GPM6A: variants seen among roughly 807,000 people sequenced by gnomAD.
The protein encoded by GPM6A is neuronal membrane glycoprotein M6-a.
In GPM6A, 7 loss-of-function variants were observed where a neutral mutation model predicts 32.1. That is an observed-to-expected ratio of 0.22 (90% CI 0.12 to 0.41). GPM6A has a LOEUF of 0.41. GPM6A is among the 10% of genes least tolerant of loss of function. The pLI is 1.00. For synonymous variants in GPM6A, 130 were observed against 123.4 expected, an observed-to-expected ratio of 1.05 and a Z score of -0.35; for missense variants, 235 against 347.2, an observed-to-expected ratio of 0.68 and a Z score of 2.57.
chr4:175,677,760 A>G (rs2110997067), intron 2 of GPM6A, among the ~76,000 whole-genome samples: 1 of 152,280 alleles, frequency 6.6e-6, no homozygotes, highest in Middle Eastern at 3.4e-3. Flanking sequence ...TGCTAAATAA[A>G]TATTTTAGAA....
At chr4:175,829,647 TAA>T (rs1491100182) in intron 1 of GPM6A, among the ~76,000 whole-genome samples, 16 of 11,046 alleles carry the variant, frequency 1.4e-3, no homozygotes, top group African/African-American at 1.9e-3. Context: ...GTCATTTATG[TAA>T]TATATATATA....
chr4:175,754,681 G>A (rs1242748072), intron 1 of GPM6A, among the ~76,000 whole-genome samples: 3 of 152,124 alleles, frequency 2.0e-5, no homozygotes, highest in Non-Finnish European at 4.4e-5. Context: ...GCCAAGGCCA[G>A]TATCTAGAAG....
At chr4:175,799,674 T>TTC (rs774094585) in intron 1 of GPM6A, among the ~76,000 whole-genome samples, 4 of 125,490 alleles carry the variant, frequency 3.2e-5, no homozygotes, top group African/African-American at 8.0e-5. Context: ...GTGTTTTCTT[T>TTC]TTTTTTTTTT....
At chr4:175,886,546 A>G (rs1038461178) in intron 1 of GPM6A, among the ~76,000 whole-genome samples, 4 of 152,184 alleles carry the variant, frequency 2.6e-5, no homozygotes, top group African/African-American at 9.6e-5. Context: ...TACGGTCCAG[A>G]ATCAAATGGA....
At chr4:175,722,276 A>G (rs1168085765) in intron 1 of GPM6A, among the ~76,000 whole-genome samples, 6 of 152,050 alleles carry the variant, frequency 3.9e-5, no homozygotes, top group Non-Finnish European at 8.8e-5. Context: ...GTGATGAGAG[A>G]GTGGAAGTCG....
chr4:175,910,740 T>C (rs1428882040), intron 1 of GPM6A, among the ~76,000 whole-genome samples: 10 of 152,208 alleles, frequency 6.6e-5, no homozygotes. Flanking sequence ...CTTTTTCTGC[T>C]GAAATCTGCC....
intron 1 of GPM6A, among the ~76,000 whole-genome samples, chr4:175,805,210 C>T (rs1160960779): frequency 6.6e-6 from 1 of 151,244 alleles, no homozygotes; most frequent in African/African-American, 2.4e-5. Flanking sequence ...GAATTATTAA[C>T]TAAACTTTGT....
At chr4:175,734,141 T>C (rs1206740384) in intron 1 of GPM6A, among the ~76,000 whole-genome samples, 2 of 134,456 alleles carry the variant, frequency 1.5e-5, no homozygotes, top group Non-Finnish European at 3.2e-5. Context: ...TTGCCATATA[T>C]ATATATATAT....
At chr4:175,951,903 AGAGG>A (rs568637924) in intron 1 of GPM6A, among the ~76,000 whole-genome samples, 6 of 152,286 alleles carry the variant, frequency 3.9e-5, no homozygotes, top group Admixed American at 3.9e-4. Flanking sequence ...TCTCTGAACA[AGAGG>A]GAATTCTCCA....
At chr4:175,721,040 T>TA (rs199529824) in intron 1 of GPM6A, among the ~76,000 whole-genome samples, 19 of 44,704 alleles carry the variant, frequency 4.3e-4, no homozygotes, top group Non-Finnish European at 9.5e-4. Context: ...TACATATATA[T>TA]TATATATATA....
At chr4:175,970,897 G>C (rs1469916004) in intron 1 of GPM6A, 1 of 448,232 alleles carries the variant, frequency 2.2e-6, no homozygotes, top group African/African-American at 2.3e-5. Context: ...ACTCGATACC[G>C]ACAGACCCTT....
At position 175,794,933 on chromosome 4, in the gene GPM6A, A is replaced by G. The variant is rs141802819; in HGVS notation, c.37+17258T>C. Among the ~76,000 whole-genome samples, 992 of 152,330 alleles carry G rather than the reference A, an allele frequency of 6.5e-3. 8 individuals are homozygous for G. Among genetic ancestry groups the G allele is most frequent in the African/African-American group, 0.022 (910 of 41,564 alleles). On this transcript the variant is annotated intron_variant, in intron 1 of 6. Transcript: ENST00000393658. ...AAGCCTTTACGCAACAGAATCCATG[A>G]ATATATTTTGTTTGAGAGAAATTAT...
rs774995826 is a variant in GPM6A, at chr4:175,909,256, T to G, written c.-23+93053A>C. Among the ~76,000 whole-genome samples the G allele has an allele frequency of 1.2e-3, 181 of 152,260 alleles. 1 individual carries two copies. Among genetic ancestry groups the G allele is most frequent in the Non-Finnish European group, 6.3e-4 (43 of 68,002 alleles). On this transcript the variant is annotated intron_variant, in intron 1 of 7. Coordinates refer to the GPM6A transcript ENST00000280187. ...CTGAAAAAGGCAAATTTAGCTTTAGTCAAACACATATCAGCGGTTGCTAAG... is the reference window on the plus strand; with the variant it reads ...CTGAAAAAGGCAAATTTAGCTTTAGGCAAACACATATCAGCGGTTGCTAAG...
intron 1 of GPM6A, among the ~76,000 whole-genome samples, chr4:175,924,681 A>T (rs1341703325): frequency 6.6e-6 from 1 of 152,116 alleles, no homozygotes; most frequent in Non-Finnish European, 1.5e-5. Context: ...CTCTACTAAA[A>T]ATACAAAAAT....
chr4:175,845,125 A>G (rs1007900771), intron 1 of GPM6A, among the ~76,000 whole-genome samples: 2 of 152,110 alleles, frequency 1.3e-5, no homozygotes, highest in Admixed American at 6.6e-5. Context: ...ACATATTTTT[A>G]TTTTGTGATA....
intron 1 of GPM6A, among the ~76,000 whole-genome samples, chr4:175,869,952 G>T (rs1034895545): frequency 1.3e-5 from 2 of 152,072 alleles, no homozygotes; most frequent in African/African-American, 4.8e-5. Context: ...ATTACACAAG[G>T]TCACATAGCT....
intron 3 of GPM6A, among the ~76,000 whole-genome samples, chr4:175,667,454 T>C (rs1241837951): frequency 6.6e-6 from 1 of 152,128 alleles, no homozygotes; most frequent in Non-Finnish European, 1.5e-5. Context: ...TTCTTAGTAG[T>C]CTAAGGAGGG....
chr4:175,938,631 C>T (rs192752512), intron 1 of GPM6A, among the ~76,000 whole-genome samples: 136 of 151,078 alleles, frequency 9.0e-4, no homozygotes, highest in South Asian at 1.0e-3. Context: ...ATTTCTTGTA[C>T]ATAATCCTTA....
intron 1 of GPM6A, among the ~76,000 whole-genome samples, chr4:175,838,090 A>AACACACACACACAC (rs763166079): frequency 4.3e-4 from 50 of 114,958 alleles, no homozygotes; most frequent in African/African-American, 6.8e-4. Flanking sequence ...CCTTGGTTAA[A>AACACACACACACAC]ACACACACAC....
Sources: allele counts gnomAD v4.1 joint callset (sites outside exome capture counted in the v4.1 genomes callset), GRCh38; gene constraint gnomAD v4.1.1; transcripts MANE v1.5; gene names NCBI Gene and HGNC (gene_info 2026-07-23, HGNC 2026-07-21).